Variants in PRR16 observed in about 807,000 individuals in gnomAD.
PRR16 encodes the protein proline rich 16.
A neutral mutation model predicts 18.2 loss-of-function variants in PRR16; 6 were observed. The observed-to-expected ratio is 0.33, with a 90% CI of 0.18 to 0.65. The LOEUF is 0.65. PRR16 is among the 30% of genes least tolerant of loss of function. The pLI is 0.74. For missense variants in PRR16, 412 were observed against 376.6 expected, an observed-to-expected ratio of 1.09 and a Z score of -0.78; for synonymous variants, 151 against 147.8, an observed-to-expected ratio of 1.02 and a Z score of -0.16.
At chr5:120,594,289 C>T (rs907183369) in intron 1 of PRR16, among the ~76,000 whole-genome samples, 4 of 151,324 alleles carry the variant, frequency 2.6e-5, no homozygotes, top group Middle Eastern at 3.4e-3. Context: ...GTCCAAAGTC[C>T]GTAGCATTCC....
chr5:120,654,550 TA>T (rs1330069037), intron 1 of PRR16, among the ~76,000 whole-genome samples: 3 of 151,288 alleles, frequency 2.0e-5, no homozygotes, highest in Non-Finnish European at 4.4e-5. Context: ...ATTGAAAAGC[TA>T]AAAAAAATCT....
intron 1 of PRR16, among the ~76,000 whole-genome samples, chr5:120,494,280 A>G (rs1274269480): frequency 6.6e-6 from 1 of 152,078 alleles, no homozygotes; most frequent in Non-Finnish European, 1.5e-5. Flanking sequence ...GATGGCAATA[A>G]TGTTTTAGCA....
intron 1 of PRR16, among the ~76,000 whole-genome samples, chr5:120,567,097 C>T (rs1752762047): frequency 6.6e-6 from 1 of 152,094 alleles, no homozygotes; most frequent in Non-Finnish European, 1.5e-5. Flanking sequence ...ACTTATCATA[C>T]CTTATAAATT....
the PRR16 span, among the ~76,000 whole-genome samples, chr5:120,703,441 A>C: frequency 6.6e-6 from 1 of 152,190 alleles, no homozygotes; most frequent in South Asian, 2.1e-4. Context: ...AAGCCTAGTG[A>C]ACTGAAGCCT....
chr5:120,488,855 T>C (rs1398315106), intron 1 of PRR16, among the ~76,000 whole-genome samples: 1 of 152,234 alleles, frequency 6.6e-6, no homozygotes, highest in Non-Finnish European at 1.5e-5. Flanking sequence ...GTTGTGTCTT[T>C]GTTCTCGTTG....
chr5:120,711,247 G>T, the PRR16 span, among the ~76,000 whole-genome samples: 4 of 152,096 alleles, frequency 2.6e-5, no homozygotes, highest in Non-Finnish European at 5.9e-5. Context: ...ATTAGAATGT[G>T]GGCATCTTTG....
the PRR16 span, among the ~76,000 whole-genome samples, chr5:120,766,535 GTTTTCA>G: frequency 6.6e-6 from 1 of 151,702 alleles, no homozygotes; most frequent in African/African-American, 2.4e-5. Context: ...TGTGGGTTAT[GTTTTCA>G]TTATCAAAGT....
chr5:120,550,343 A>G (rs575451871), intron 1 of PRR16, among the ~76,000 whole-genome samples: 86 of 152,186 alleles, frequency 5.7e-4, no homozygotes, highest in African/African-American at 2.0e-3. Flanking sequence ...ACAAATATGG[A>G]AAAGCCCAAA....
At chr5:120,620,816 C>T (rs1360649254) in intron 1 of PRR16, among the ~76,000 whole-genome samples, 1 of 152,074 alleles carries the variant, frequency 6.6e-6, no homozygotes, top group Non-Finnish European at 1.5e-5. Flanking sequence ...TCTCATCCAG[C>T]CCATAGCTTT....
chr5:120,717,867 C>T, the PRR16 span, among the ~76,000 whole-genome samples: 5 of 152,186 alleles, frequency 3.3e-5, no homozygotes, highest in South Asian at 2.1e-4. Context: ...TTTTAATATC[C>T]GAATCTAAAT....
At chr5:120,494,376 A>G (rs562714966) in intron 1 of PRR16, among the ~76,000 whole-genome samples, 107 of 151,944 alleles carry the variant, frequency 7.0e-4, no homozygotes, top group African/African-American at 2.3e-3. Flanking sequence ...GGGTCTTGCT[A>G]TGTTGCCCAG....
intron 1 of PRR16, among the ~76,000 whole-genome samples, chr5:120,602,406 A>G (rs1329340644): frequency 6.6e-6 from 1 of 151,978 alleles, no homozygotes; most frequent in Non-Finnish European, 1.5e-5. Flanking sequence ...TTTTTTGTAC[A>G]TTGATTTTGT....
chr5:120,626,326 A>G (rs980889178), intron 1 of PRR16, among the ~76,000 whole-genome samples: 3 of 152,300 alleles, frequency 2.0e-5, no homozygotes, highest in South Asian at 2.1e-4. Context: ...TGAACCACAA[A>G]AAAAGCCCCA....
chr5:120,496,337 A>G (rs1750244538), intron 1 of PRR16, among the ~76,000 whole-genome samples: 1 of 152,052 alleles, frequency 6.6e-6, no homozygotes. Flanking sequence ...CTGGAACTGC[A>G]GATTTTCTTA....
the PRR16 span, among the ~76,000 whole-genome samples, chr5:120,791,263 G>A: frequency 6.6e-6 from 1 of 151,968 alleles, no homozygotes; most frequent in African/African-American, 2.4e-5. Context: ...CAGAACTAAT[G>A]GAAGATTGAT....
Position 120,546,647 on chromosome 5 carries a change from A to G in PRR16, c.159+82002A>G, listed in dbSNP as rs562471472. 2.3e-4 allele frequency among the ~76,000 whole-genome samples: 35 copies of G among 152,244 alleles called. 1 individual carries two copies. The South Asian group carries it at 7.0e-3, about 31-fold the overall frequency. ...TGAAGTAAAAGCACACAGTGTGAAG[A>G]TGAACAAGGATTCAGCTAGAGATTT... On this transcript the variant is annotated intron_variant, in intron 1 of 1. Transcript: ENST00000407149.
intron 1 of PRR16, among the ~76,000 whole-genome samples, chr5:120,617,899 A>C (rs1382050538): frequency 6.6e-6 from 1 of 151,978 alleles, no homozygotes; most frequent in South Asian, 2.1e-4. Flanking sequence ...AAGGTCAATA[A>C]TTTTTTTTAT....
the PRR16 span, among the ~76,000 whole-genome samples, chr5:120,742,123 C>T: frequency 6.6e-6 from 1 of 151,850 alleles, no homozygotes; most frequent in Non-Finnish European, 1.5e-5. Flanking sequence ...TTCTTTTATA[C>T]AATATATAAT....
At chr5:120,734,978 T>C in the PRR16 span, among the ~76,000 whole-genome samples, 2 of 152,202 alleles carry the variant, frequency 1.3e-5, no homozygotes, top group African/African-American at 4.8e-5. Context: ...CTTTTTCATT[T>C]TGGGAAGCTG....
Sources: allele counts gnomAD v4.1 joint callset (sites outside exome capture counted in the v4.1 genomes callset), GRCh38; gene constraint gnomAD v4.1.1; transcripts MANE v1.5; gene names NCBI Gene and HGNC (gene_info 2026-07-23, HGNC 2026-07-21).